Variants in CDH18 observed in about 807,000 individuals in gnomAD.
CDH18 encodes cadherin-18.
Under a neutral mutation model 67.9 loss-of-function variants are expected in CDH18, and 31 were observed. The observed-to-expected ratio is 0.46, with a 90% CI of 0.34 to 0.62. The LOEUF is 0.62. Ranked by LOEUF, CDH18 falls within the 20% of genes least tolerant of loss-of-function variation. The probability of loss-of-function intolerance (pLI) is 0.01; values close to 1 mark genes in which losing one functional copy is unlikely to be tolerated. For missense variants in CDH18, 890 were observed against 975.5 expected, an observed-to-expected ratio of 0.91 and a Z score of 1.17; for synonymous variants, 362 against 347.2, an observed-to-expected ratio of 1.04 and a Z score of -0.48.
At chr5:20,422,505 T>C (rs1747941486) in intron 1 of CDH18, among the ~76,000 whole-genome samples, 1 of 151,088 alleles carries the variant, frequency 6.6e-6, no homozygotes, top group Admixed American at 6.6e-5. Context: ...GTAAGATAAA[T>C]GTGTTGTTTT....
chr5:20,381,034 C>T (rs555555303), intron 1 of CDH18, among the ~76,000 whole-genome samples: 23 of 151,956 alleles, frequency 1.5e-4, no homozygotes, highest in Non-Finnish European at 2.8e-4. Flanking sequence ...CTAATCCAGC[C>T]TCACATCTGT....
intron 1 of CDH18, among the ~76,000 whole-genome samples, chr5:20,276,296 G>GGGA (rs1745806487): frequency 6.6e-6 from 1 of 152,184 alleles, no homozygotes; most frequent in African/African-American, 2.4e-5. Context: ...CAACTGAGGA[G>GGGA]AGGAGAGGGA....
chr5:19,978,703 G>A (rs1798735261), intron 2 of CDH18, among the ~76,000 whole-genome samples: 1 of 152,004 alleles, frequency 6.6e-6, no homozygotes, highest in South Asian at 2.1e-4. Context: ...AAAGCACTTG[G>A]CCCTCTTCCT....
At chr5:19,763,600 A>C (rs1772659047) in intron 3 of CDH18, among the ~76,000 whole-genome samples, 1 of 152,204 alleles carries the variant, frequency 6.6e-6, no homozygotes, top group Non-Finnish European at 1.5e-5. Context: ...TTGTATATGC[A>C]GCCTGAAGTT....
chr5:19,638,977 G>GTTTTTTTTTTTTGTTTTTGTTTTTTTT (rs1753590190), intron 5 of CDH18, among the ~76,000 whole-genome samples: 1 of 54,684 alleles, frequency 1.8e-5, no homozygotes, highest in African/African-American at 5.2e-5. Context: ...TTTTGTTGCT[G>GTTTTTTTTTTTTGTTTTTGTTTTTTTT]TTTTTTTTTT....
chr5:20,159,352 A>G (rs1751799217), intron 2 of CDH18, among the ~76,000 whole-genome samples: 1 of 152,154 alleles, frequency 6.6e-6, no homozygotes, highest in African/African-American at 2.4e-5. Flanking sequence ...TTTCCTACCA[A>G]TAAGAGGAGA....
rs1786716654 is a variant in CDH18, at chr5:19,874,523, T to G, written c.-256-35281A>C. ...GATAACAGTGAAATCTCCTTCTCGA[T>G]CCTATAGTCTACATTTAACATCATA... On this transcript the variant is annotated intron_variant, in intron 2 of 12. Coordinates refer to ENST00000382275, the MANE Select transcript of CDH18 (RefSeq NM_004934.5). Among the ~76,000 whole-genome samples the G allele has an allele frequency of 2.6e-5, 4 of 152,328 alleles. No homozygotes were observed. The South Asian group carries it at 8.3e-4, about 32-fold the overall frequency.
At chr5:20,517,404 GAAT>G (rs1755445003) in intron 1 of CDH18, among the ~76,000 whole-genome samples, 1 of 151,456 alleles carries the variant, frequency 6.6e-6, no homozygotes, top group African/African-American at 2.4e-5. Flanking sequence ...GAATAAATGT[GAAT>G]AATAAACATT....
chr5:20,517,370 C>G, intron 1 of CDH18, among the ~76,000 whole-genome samples: 1 of 151,204 alleles, frequency 6.6e-6, no homozygotes, highest in East Asian at 1.9e-4. Context: ...AATCTTATTC[C>G]TAAAGACAGA....
intron 2 of CDH18, among the ~76,000 whole-genome samples, chr5:20,010,798 C>G (rs796650224): frequency 1.9e-4 from 29 of 152,182 alleles, no homozygotes; most frequent in African/African-American, 6.7e-4. Context: ...TTACTGAGTA[C>G]TCAAATTTAG....
chr5:19,901,506 T>C (rs1327671852), intron 2 of CDH18, among the ~76,000 whole-genome samples: 2 of 152,094 alleles, frequency 1.3e-5, no homozygotes, highest in East Asian at 3.9e-4. Flanking sequence ...AAAACTCTAC[T>C]ATGGATAGTC....
intron 7 of CDH18, among the ~76,000 whole-genome samples, chr5:19,588,873 T>C (rs1744651693): frequency 6.6e-6 from 1 of 152,072 alleles, no homozygotes; most frequent in Non-Finnish European, 1.5e-5. Flanking sequence ...ATGGACTCAA[T>C]ACAGGAGTAC....
chr5:19,669,427 G>A, intron 5 of CDH18, among the ~76,000 whole-genome samples: 1 of 151,564 alleles, frequency 6.6e-6, no homozygotes, highest in East Asian at 1.9e-4. Context: ...TGAGTAGCTG[G>A]GATTACAGGC....
At chr5:19,752,739 A>G (rs1449909267) in intron 3 of CDH18, among the ~76,000 whole-genome samples, 3 of 152,194 alleles carry the variant, frequency 2.0e-5, no homozygotes, top group African/African-American at 7.2e-5. Context: ...AAAAAAGAGC[A>G]TTAAACCACC....
intron 5 of CDH18, among the ~76,000 whole-genome samples, chr5:19,666,493 G>A (rs1050806490): frequency 6.6e-6 from 1 of 151,860 alleles, no homozygotes; most frequent in Non-Finnish European, 1.5e-5. Context: ...TGGGGGAATA[G>A]ATAAAATATT....
At chr5:19,914,515 C>T (rs139399333) in intron 2 of CDH18, among the ~76,000 whole-genome samples, 266 of 152,114 alleles carry the variant, frequency 1.7e-3, no homozygotes, top group African/African-American at 6.2e-3. Flanking sequence ...AAATTGTATA[C>T]ATACTTATAT....
intron 5 of CDH18, among the ~76,000 whole-genome samples, chr5:19,668,944 C>T (rs1406454556): frequency 6.6e-6 from 1 of 151,226 alleles, no homozygotes; most frequent in African/African-American, 2.4e-5. Flanking sequence ...AAATATTATA[C>T]ATAAATCTAA....
At chr5:20,171,132 G>T (rs894830459) in intron 2 of CDH18, among the ~76,000 whole-genome samples, 3 of 151,754 alleles carry the variant, frequency 2.0e-5, no homozygotes, top group African/African-American at 7.3e-5. Flanking sequence ...TGGACATTTG[G>T]GTTGATTCCA....
chr5:19,578,287 C>T (rs1461913106), intron 7 of CDH18, among the ~76,000 whole-genome samples: 1 of 152,110 alleles, frequency 6.6e-6, no homozygotes, highest in East Asian at 1.9e-4. Flanking sequence ...GTTATGTGCT[C>T]TTCCAGGTTT....
Sources: allele counts gnomAD v4.1 joint callset (sites outside exome capture counted in the v4.1 genomes callset), GRCh38; gene constraint gnomAD v4.1.1; transcripts MANE v1.5; gene names NCBI Gene and HGNC (gene_info 2026-07-23, HGNC 2026-07-21).